Variants in SLC60A1 observed in about 807,000 individuals in gnomAD.
SLC60A1 encodes the protein major facilitator superfamily domain containing 4.
At chr1:205,589,687 A>C in the SLC60A1 span, among the ~76,000 whole-genome samples, 1 of 152,048 alleles carries the variant, frequency 6.6e-6, no homozygotes, top group African/African-American at 2.4e-5. Flanking sequence ...CCTGGGCCCA[A>C]GCGATCCTTC....
At chr1:205,596,524 G>A in the SLC60A1 span, among the ~76,000 whole-genome samples, 8 of 110,856 alleles carry the variant, frequency 7.2e-5, no homozygotes, top group African/African-American at 1.8e-4. Context: ...CAGCCTGGGC[G>A]ACAGAGCAAG....
chr1:205,580,967 C>T, the SLC60A1 span: 1 of 1,590,504 alleles, frequency 6.3e-7, no homozygotes, highest in Non-Finnish European at 8.5e-7. The surrounding 1 kb of genome is among the most constrained non-coding windows in gnomAD (Gnocchi z 5.0). Context: ...GTGGACAGTC[C>T]ACACATCCCA....
chr1:205,599,503 G>C, the SLC60A1 span, among the ~76,000 whole-genome samples: 1 of 152,188 alleles, frequency 6.6e-6, no homozygotes, highest in Non-Finnish European at 1.5e-5. Context: ...TTAGCAGAGG[G>C]GTATGGATTG....
chr1:205,576,362 G>A, the SLC60A1 span, among the ~76,000 whole-genome samples: 2 of 152,210 alleles, frequency 1.3e-5, no homozygotes, highest in Non-Finnish European at 2.9e-5. Flanking sequence ...ATCCCAGAGA[G>A]TGAGCAAAGG....
At chr1:205,590,150 GGACACA>G in the SLC60A1 span, among the ~76,000 whole-genome samples, 1 of 152,164 alleles carries the variant, frequency 6.6e-6, no homozygotes, top group Non-Finnish European at 1.5e-5. Context: ...CCGGAGTCCT[GGACACA>G]GCTCATGGCT....
chr1:205,586,401 C>T, the SLC60A1 span, among the ~76,000 whole-genome samples: 1 of 152,124 alleles, frequency 6.6e-6, no homozygotes, highest in African/African-American at 2.4e-5. Flanking sequence ...ACCTGGGTGA[C>T]CATGAAAAGT....
At chr1:205,579,588 A>G in the SLC60A1 span, 2 of 752,844 alleles carry the variant, frequency 2.7e-6, no homozygotes. Flanking sequence ...GACTTTGACA[A>G]CTTGCCCACA....
chr1:205,586,100 G>GC, the SLC60A1 span: 1 of 1,613,368 alleles, frequency 6.2e-7, no homozygotes. Flanking sequence ...ACACAAGGTG[G>GC]CTGGCTACCT....
chr1:205,589,475 C>T, the SLC60A1 span, among the ~76,000 whole-genome samples: 1 of 152,114 alleles, frequency 6.6e-6, no homozygotes, highest in Non-Finnish European at 1.5e-5. Flanking sequence ...AGCAGGTCTG[C>T]GTTGCATTTT....
At chr1:205,579,609 G>C in the SLC60A1 span, 1 of 916,250 alleles carries the variant, frequency 1.1e-6, no homozygotes, top group South Asian at 1.5e-5. Flanking sequence ...GCTAATAAGT[G>C]AGCAGCTTCT....
At chr1:205,589,535 A>G in the SLC60A1 span, among the ~76,000 whole-genome samples, 1 of 152,190 alleles carries the variant, frequency 6.6e-6, no homozygotes, top group Non-Finnish European at 1.5e-5. Context: ...TATTCATGCT[A>G]TGAAGTAAAC....
the SLC60A1 span, chr1:205,600,543 G>C: frequency 2.6e-5 from 37 of 1,419,810 alleles, no homozygotes; most frequent in Non-Finnish European, 3.6e-5. Context: ...CTGGGTGGTG[G>C]TGGAGGCGCT....
chr1:205,580,753 C>T, the SLC60A1 span: 1 of 1,614,150 alleles, frequency 6.2e-7, no homozygotes, highest in Non-Finnish European at 8.5e-7. This position sits in a 1 kb window ranked among gnomAD's most constrained non-coding sequence, Gnocchi z 5.0. Flanking sequence ...CTGCCAATAG[C>T]ACGGCCAACA....
the SLC60A1 span, chr1:205,579,631 C>A: frequency 8.6e-7 from 1 of 1,157,146 alleles, no homozygotes; most frequent in South Asian, 1.3e-5. Context: ...CCTCAGCTCT[C>A]TTCCTTTTCT....
chr1:205,583,348 G>A, the SLC60A1 span, among the ~76,000 whole-genome samples: 2 of 152,176 alleles, frequency 1.3e-5, no homozygotes, highest in Admixed American at 1.3e-4. Context: ...AAGCCCCTGA[G>A]AAGAGCCTCT....
chr1:205,579,887 G>A, the SLC60A1 span: 9 of 1,614,100 alleles, frequency 5.6e-6, no homozygotes, highest in South Asian at 3.3e-5. Flanking sequence ...GGGCTGCATC[G>A]ACACCGTGGC....
the SLC60A1 span, among the ~76,000 whole-genome samples, chr1:205,588,489 A>AAAAG: frequency 5.6e-4 from 78 of 139,862 alleles, no homozygotes; most frequent in African/African-American, 2.0e-3. Flanking sequence ...AAAAAAAAAA[A>AAAAG]AGAAAGAGAA....
the SLC60A1 span, chr1:205,584,994 G>T: frequency 6.2e-7 from 1 of 1,613,072 alleles, no homozygotes. Context: ...GGTTGACGGT[G>T]AGCCTGCCTC....
the SLC60A1 span, among the ~76,000 whole-genome samples, chr1:205,576,837 T>C: frequency 6.6e-6 from 1 of 152,130 alleles, no homozygotes; most frequent in South Asian, 2.1e-4. Context: ...TTTCCTGTGA[T>C]ACAGATGTCC....
Sources: allele counts gnomAD v4.1 joint callset (sites outside exome capture counted in the v4.1 genomes callset), GRCh38; gene constraint gnomAD v4.1.1; non-coding constraint Gnocchi (gnomAD v3.1); transcripts MANE v1.5; gene names NCBI Gene and HGNC (gene_info 2026-07-23, HGNC 2026-07-21).